The following PIP5K1B variants were observed in gnomAD, a reference collection of about 807,000 sequenced individuals.
PIP5K1B encodes phosphatidylinositol 4-phosphate 5-kinase type-1 beta.
A neutral mutation model predicts 67.0 loss-of-function variants in PIP5K1B; 42 were observed. That is an observed-to-expected ratio of 0.63 (90% CI 0.49 to 0.81). The LOEUF is 0.81. Among genes scored for constraint, PIP5K1B ranks in the 30% least tolerant of loss-of-function variants. The pLI is 0.00. For missense variants in PIP5K1B, 459 were observed against 646.3 expected (o/e 0.71, Z 3.14); for synonymous variants, 214 against 231.4 (o/e 0.92, Z 0.68).
chr9:68,963,876 T>G (rs1828883517), intron 14 of PIP5K1B, among the ~76,000 whole-genome samples: 1 of 152,222 alleles, frequency 6.6e-6, no homozygotes, highest in Admixed American at 6.5e-5. Flanking sequence ...ACAGTAGCTT[T>G]CAATGGGTCA....
At chr9:68,733,777 C>T (rs984211256) in intron 1 of PIP5K1B, among the ~76,000 whole-genome samples, 1 of 151,946 alleles carries the variant, frequency 6.6e-6, no homozygotes. Flanking sequence ...GTAGCTGGGA[C>T]TACAGGTGCA....
At chr9:68,865,974 T>A (rs72720041) in intron 5 of PIP5K1B, among the ~76,000 whole-genome samples, 63,570 of 152,098 alleles carry the variant, frequency 0.42, 13,632 homozygotes, top group Middle Eastern at 0.51. Flanking sequence ...AATCATTTTT[T>A]AAAAGCATCT....
chr9:68,913,713 C>G (rs910440099), intron 8 of PIP5K1B, among the ~76,000 whole-genome samples: 15 of 152,104 alleles, frequency 9.9e-5, no homozygotes, highest in Non-Finnish European at 1.9e-4. Flanking sequence ...TTTTTTTAAG[C>G]CTTCCACACT....
chr9:68,719,822 A>T (rs1263109033), intron 1 of PIP5K1B, among the ~76,000 whole-genome samples: 1 of 152,228 alleles, frequency 6.6e-6, no homozygotes, highest in African/African-American at 2.4e-5. Flanking sequence ...TAATGCAAAC[A>T]TGATGCATCA....
chr9:68,735,116 T>A (rs145026451), intron 1 of PIP5K1B, among the ~76,000 whole-genome samples: 5 of 152,278 alleles, frequency 3.3e-5, no homozygotes, highest in Admixed American at 6.5e-5. Context: ...CTTGGAAGTT[T>A]TTTTTAACAA....
chr9:68,755,343 C>T (rs1266216548), intron 2 of PIP5K1B, among the ~76,000 whole-genome samples: 1 of 152,228 alleles, frequency 6.6e-6, no homozygotes, highest in Non-Finnish European at 1.5e-5. Context: ...GAGTATACCT[C>T]TGCTTACTGA....
intron 6 of PIP5K1B, among the ~76,000 whole-genome samples, chr9:68,878,527 A>C (rs548871459): frequency 1.8e-4 from 27 of 152,338 alleles, no homozygotes; most frequent in African/African-American, 6.5e-4. Context: ...ATCACTTCTC[A>C]CAAGAAAAGT....
chr9:68,981,808 T>C (rs1414132327), intron 14 of PIP5K1B, among the ~76,000 whole-genome samples: 2 of 152,166 alleles, frequency 1.3e-5, no homozygotes, highest in Non-Finnish European at 2.9e-5. Flanking sequence ...TTTTTTTTTT[T>C]TTCTGTAAAT....
intron 14 of PIP5K1B, among the ~76,000 whole-genome samples, chr9:68,946,686 G>A (rs888924816): frequency 6.6e-6 from 1 of 152,162 alleles, no homozygotes; most frequent in Non-Finnish European, 1.5e-5. Context: ...GAGCCACCAC[G>A]CCCAGCCTGT....
chr9:68,808,264 A>C (rs1043636170), intron 2 of PIP5K1B, among the ~76,000 whole-genome samples: 4 of 152,188 alleles, frequency 2.6e-5, no homozygotes, highest in African/African-American at 9.6e-5. Flanking sequence ...AAGTTCAACT[A>C]TGTGAGATTA....
intron 2 of PIP5K1B, among the ~76,000 whole-genome samples, chr9:68,797,911 A>G (rs1213805092): frequency 6.6e-6 from 1 of 152,244 alleles, no homozygotes; most frequent in Non-Finnish European, 1.5e-5. Context: ...TATAGTGGAA[A>G]GGAACCAGAG....
At chr9:68,960,001 A>G (rs539059127) in intron 14 of PIP5K1B, among the ~76,000 whole-genome samples, 7 of 152,246 alleles carry the variant, frequency 4.6e-5, no homozygotes, top group South Asian at 2.1e-4. Context: ...CCACTGCTTC[A>G]TAGTGTTTAT....
intron 4 of PIP5K1B, among the ~76,000 whole-genome samples, chr9:68,835,166 A>C (rs1834534812): frequency 6.6e-6 from 1 of 152,242 alleles, no homozygotes. Context: ...GAGAGGGAAC[A>C]ATAGCCTAGC....
intron 12 of PIP5K1B, among the ~76,000 whole-genome samples, chr9:68,933,070 G>C (rs530389497): frequency 8.6e-5 from 13 of 150,644 alleles, no homozygotes; most frequent in Admixed American, 4.6e-4. Flanking sequence ...ATTCTCTCCA[G>C]CCTGGGCAAC....
chr9:69,007,731 G>C (rs1032058304), intron 15 of PIP5K1B, among the ~76,000 whole-genome samples: 4 of 151,946 alleles, frequency 2.6e-5, no homozygotes, highest in Non-Finnish European at 4.4e-5. Context: ...ATGGCAGGCA[G>C]CTGTAGTCCC....
chr9:68,867,841 G>A (rs780161976), intron 5 of PIP5K1B, among the ~76,000 whole-genome samples: 2 of 152,192 alleles, frequency 1.3e-5, no homozygotes, highest in African/African-American at 2.4e-5. Context: ...ATGGCTCAAC[G>A]AGTCTATCTG....
intron 1 of PIP5K1B, among the ~76,000 whole-genome samples, chr9:68,712,156 C>G (rs959305209): frequency 1.3e-5 from 2 of 152,178 alleles, no homozygotes; most frequent in East Asian, 1.9e-4. Flanking sequence ...AGCTCTTGCT[C>G]TATGAGTTTA....
At chr9:68,900,186 A>G (rs1246237698) in intron 8 of PIP5K1B, among the ~76,000 whole-genome samples, 1 of 152,114 alleles carries the variant, frequency 6.6e-6, no homozygotes, top group Non-Finnish European at 1.5e-5. Context: ...ATCTAGGTTG[A>G]TTCTATGTCT....
intron 4 of PIP5K1B, among the ~76,000 whole-genome samples, chr9:68,855,967 T>A (rs1280810971): frequency 1.3e-5 from 2 of 152,212 alleles, no homozygotes; most frequent in Non-Finnish European, 2.9e-5. Flanking sequence ...TGCAAACTTA[T>A]TATCTTATAG....
Sources: allele counts gnomAD v4.1 joint callset (sites outside exome capture counted in the v4.1 genomes callset), GRCh38; gene constraint gnomAD v4.1.1; transcripts MANE v1.5; gene names NCBI Gene and HGNC (gene_info 2026-07-23, HGNC 2026-07-21).